Variants in REV3L observed in about 807,000 individuals in gnomAD.
REV3L encodes DNA polymerase zeta catalytic subunit.
A neutral mutation model predicts 299.4 loss-of-function variants in REV3L; 69 were observed. The ratio of observed to expected loss-of-function variants is 0.23; its 90% CI spans 0.19 to 0.28. The LOEUF is 0.28. Ranked by LOEUF, REV3L falls within the 10% of genes least tolerant of loss-of-function variation. The pLI is 1.00. For missense variants in REV3L, 3,128 were observed against 3,693.8 expected, an observed-to-expected ratio of 0.85 and a Z score of 3.97; for synonymous variants, 1,238 against 1,271.4, an observed-to-expected ratio of 0.97 and a Z score of 0.56.
At chr6:111,393,079 C>T in intron 4 of REV3L, 107 bp from the exon 5 acceptor site, 1 of 673,220 alleles carries the variant, frequency 1.5e-6, no homozygotes, top group Non-Finnish European at 2.5e-6. Flanking sequence ...GCTTTGTTGC[C>T]CAGGCTGGAG....
chr6:111,433,043 A>G (rs1308012638), intron 1 of REV3L, among the ~76,000 whole-genome samples: 2 of 152,190 alleles, frequency 1.3e-5, no homozygotes, highest in Non-Finnish European at 2.9e-5. Context: ...GGATACAGCA[A>G]AAGTGGTACT....
intron 26 of REV3L, among the ~76,000 whole-genome samples, chr6:111,319,158 T>C (rs540699353): frequency 1.2e-4 from 18 of 152,292 alleles, no homozygotes; most frequent in Admixed American, 1.2e-3. Context: ...GTACATATAC[T>C]TTACATCTTA....
intron 1 of REV3L, among the ~76,000 whole-genome samples, chr6:111,461,801 G>A (rs777737674): frequency 1.3e-5 from 2 of 151,850 alleles, no homozygotes; most frequent in Non-Finnish European, 2.9e-5. Flanking sequence ...TAAGCAAACC[G>A]CGGAGAGAAA....
intron 2 of REV3L, among the ~76,000 whole-genome samples, chr6:111,415,900 A>T (rs1419668090): frequency 6.6e-6 from 1 of 152,186 alleles, no homozygotes; most frequent in Non-Finnish European, 1.5e-5. Flanking sequence ...ATTGGTTATT[A>T]TCTGTTTCCC....
At chr6:111,318,290 T>C (rs1046769324) in intron 26 of REV3L, among the ~76,000 whole-genome samples, 1 of 151,606 alleles carries the variant, frequency 6.6e-6, no homozygotes, top group Non-Finnish European at 1.5e-5. Flanking sequence ...GGTTTCACCG[T>C]GTTAGCCAGG....
In REV3L at chr6:111,476,030, G is replaced by T. The variant is rs1792903117; in HGVS notation, c.139+6720C>A. Among the ~76,000 whole-genome samples the T allele has an allele frequency of 2.0e-5, 3 of 152,150 alleles. No homozygotes were observed. In the South Asian group the frequency reaches 6.2e-4, roughly 32 times the overall value. On this transcript the variant is annotated intron_variant, in intron 1 of 31. Transcript: ENST00000368802. ...TATACAAGTTGAATACCCCTTATCT[G>T]AAATGCTTGGGACCAGAAGTGTTTC...
At chr6:111,441,926 G>A (rs1788310362) in intron 1 of REV3L, among the ~76,000 whole-genome samples, 1 of 152,162 alleles carries the variant, frequency 6.6e-6, no homozygotes, top group Non-Finnish European at 1.5e-5. Flanking sequence ...CTATGATTAC[G>A]TTTCAGTCTT....
At chr6:111,303,694 A>ATGGAGT (rs1771915493) in intron 31 of REV3L, among the ~76,000 whole-genome samples, 3 of 14,728 alleles carry the variant, frequency 2.0e-4, no homozygotes, top group Admixed American at 9.4e-4. Context: ...TTTTTAACAG[A>ATGGAGT]CTATGACTTT....
intron 31 of REV3L, among the ~76,000 whole-genome samples, chr6:111,303,474 G>A (rs558009409): frequency 6.6e-6 from 1 of 150,858 alleles, no homozygotes; most frequent in African/African-American, 2.4e-5. Context: ...TCAAGCGATT[G>A]TCCTACCTCA....
intron 16 of REV3L, among the ~76,000 whole-genome samples, chr6:111,362,900 A>G (rs1275948990): frequency 1.3e-5 from 2 of 152,216 alleles, no homozygotes; most frequent in African/African-American, 4.8e-5. Context: ...GTATAAGCCA[A>G]ATTTTAAGTT....
intron 4 of REV3L, among the ~76,000 whole-genome samples, chr6:111,399,135 A>T (rs1355539749): frequency 6.6e-6 from 1 of 152,198 alleles, no homozygotes; most frequent in Non-Finnish European, 1.5e-5. Flanking sequence ...CACCTACTGG[A>T]AAAAACTAAT....
chr6:111,382,503 C>T (rs777155445), intron 9 of REV3L, among the ~76,000 whole-genome samples: 4 of 152,114 alleles, frequency 2.6e-5, no homozygotes, highest in African/African-American at 4.8e-5. Flanking sequence ...GAGAGCGACA[C>T]GGTATAGAAT....
intron 19 of REV3L, among the ~76,000 whole-genome samples, chr6:111,349,836 C>T (rs1019545916): frequency 6.6e-6 from 1 of 152,148 alleles, no homozygotes. Context: ...CTAAACGATT[C>T]TCTGAAAATT....
Position 111,374,017 on chromosome 6 carries a change from A to G in REV3L, c.4338T>C (p.Asn1446=), listed in dbSNP as rs140047832. ...GCATTTGGCTTTCCTCTGAAGCTGT[A>G]TTTCCCGGAGAACAAGTTTCACTGT... The part of the protein sequence containing the change: ...SKHSETCSPG[N]TASEESQMPN... The change falls in exon 13 of 32, where the codon AAT becomes AAC. Residue 1446 remains asparagine (N), a synonymous_variant. Coordinates refer to ENST00000368802, the MANE Select transcript of REV3L (RefSeq NM_001372078.1). 27 of 1,614,130 alleles carry G rather than the reference A, an allele frequency of 1.7e-5. No individual in the cohort carries two copies. The African/African-American group carries it at 3.3e-4, about 20-fold the overall frequency.
chr6:111,410,834 G>A (rs186220867), intron 3 of REV3L, among the ~76,000 whole-genome samples: 224 of 152,154 alleles, frequency 1.5e-3, no homozygotes, highest in African/African-American at 4.9e-3. Flanking sequence ...AGGACCTCCT[G>A]AAAAAATAAT....
intron 13 of REV3L, among the ~76,000 whole-genome samples, chr6:111,368,557 AC>A (rs1272708244): frequency 1.1e-4 from 16 of 152,230 alleles, no homozygotes; most frequent in Non-Finnish European, 2.1e-4. Context: ...GAGGTAAATT[AC>A]TCTAATTCTT....
intron 31 of REV3L, among the ~76,000 whole-genome samples, chr6:111,303,708 T>C: frequency 2.5e-5 from 1 of 39,702 alleles, no homozygotes; most frequent in African/African-American, 7.5e-5. Flanking sequence ...TGACTTTTTT[T>C]TTTTTTTTTT....
At chr6:111,459,881 T>C (rs1790555876) in intron 1 of REV3L, among the ~76,000 whole-genome samples, 1 of 151,932 alleles carries the variant, frequency 6.6e-6, no homozygotes, top group Non-Finnish European at 1.5e-5. Context: ...GAACACAAAA[T>C]GGAACTACCA....
At chr6:111,340,935 C>T (rs942136160) in intron 21 of REV3L, among the ~76,000 whole-genome samples, 14 of 151,084 alleles carry the variant, frequency 9.3e-5, no homozygotes, top group Admixed American at 6.6e-4. Context: ...GGTGGTAAAA[C>T]ATGTATTTAG....
Sources: gnomAD v4.1 joint callset for allele counts (sites outside exome capture counted in the v4.1 genomes callset) on GRCh38, gnomAD v4.1.1 for gene constraint, MANE v1.5 for transcripts, NCBI Gene and HGNC (gene_info 2026-07-23, HGNC 2026-07-21) for gene names.